Variants in TMC3 observed in about 807,000 individuals in gnomAD.
The protein encoded by TMC3 is transmembrane channel-like protein 3.
A neutral mutation model predicts 110.6 loss-of-function variants in TMC3; 98 were observed. The observed-to-expected ratio is 0.89, with a 90% CI of 0.75 to 1.05. TMC3 has a LOEUF of 1.05. Among genes scored for constraint, TMC3 ranks in the 50% least tolerant of loss-of-function variants. The pLI is 0.00. For synonymous variants in TMC3, 489 were observed against 513.1 expected, an observed-to-expected ratio of 0.95 and a Z score of 0.63; for missense variants, 1,319 against 1,373.2, an observed-to-expected ratio of 0.96 and a Z score of 0.62.
At chr15:81,337,694 G>A in intron 19 of TMC3, 152 bp downstream of exon 19, 1 of 685,190 alleles carries the variant, frequency 1.5e-6, no homozygotes, top group South Asian at 1.7e-5. Flanking sequence ...ATAACTCTTG[G>A]ACATCTGGGG....
At chr15:81,372,100 C>T (rs565855617) in intron 2 of TMC3, among the ~76,000 whole-genome samples, 5 of 150,906 alleles carry the variant, frequency 3.3e-5, no homozygotes, top group Admixed American at 6.6e-5. Flanking sequence ...ATCTGGCTTC[C>T]TATAAAGTCT....
chr15:81,368,792 A>G (rs1894372405), intron 2 of TMC3, among the ~76,000 whole-genome samples: 1 of 152,200 alleles, frequency 6.6e-6, no homozygotes, highest in Non-Finnish European at 1.5e-5. Context: ...GCAGCAAAAA[A>G]GTCATGTCTA....
Position 81,374,080 on chromosome 15 carries a change from G to A in TMC3, c.-3C>T, listed in dbSNP as rs774508229. On this transcript the variant is annotated 5_prime_UTR_variant, in exon 1 of 22. Transcript: ENST00000359440. ...TGGGATGCCTTCGAGGTTTTCATGG[G>A]AGCTAACCCACTGCTAACAATCAGA... 128 of 1,613,338 alleles carry A rather than the reference G, an allele frequency of 7.9e-5. 2 individuals carry two copies. In the South Asian group the frequency reaches 1.3e-3, roughly 16 times the overall value.
chr15:81,361,311 T>C (rs1894182960), intron 4 of TMC3, among the ~76,000 whole-genome samples: 1 of 152,192 alleles, frequency 6.6e-6, no homozygotes, highest in Admixed American at 6.5e-5. Context: ...TTTAAAACAA[T>C]TGAATCAATT....
At chr15:81,355,564 G>A (rs1354498476) in intron 9 of TMC3, among the ~76,000 whole-genome samples, 161 bp downstream of exon 9, 3 of 152,046 alleles carry the variant, frequency 2.0e-5, no homozygotes, top group Admixed American at 2.0e-4. Context: ...ATATTGCTAA[G>A]GAAAAAATCA....
chr15:81,352,902 C>T (rs1237762077), intron 9 of TMC3, among the ~76,000 whole-genome samples: 1 of 152,224 alleles, frequency 6.6e-6, no homozygotes, highest in Admixed American at 6.5e-5. Flanking sequence ...TCACTGCGAC[C>T]TCTGCCTCCT....
In TMC3 at chr15:81,337,925, C is replaced by T. The variant is rs1281779375; in HGVS notation, c.2082-1G>A. On this transcript the variant is annotated splice_acceptor_variant, in intron 18 of 21. Transcript: ENST00000359440. LOFTEE classifies it high-confidence loss of function. ...GCTCTGGAGATAATAGATGAGCATG[C>T]TAGGACAGAACAACACAGGACAATG... 1.7e-5 allele frequency: 27 copies of T among 1,613,020 alleles called. No individual in the cohort carries two copies. Among genetic ancestry groups the T allele is most frequent in the Non-Finnish European group, 2.2e-5 (26 of 1,179,120 alleles).
chr15:81,361,344 A>G (rs750945882), intron 4 of TMC3, among the ~76,000 whole-genome samples: 85 of 152,228 alleles, frequency 5.6e-4, no homozygotes, highest in Admixed American at 6.5e-4. Flanking sequence ...TTTATGCAGT[A>G]GACTGACTTC....
chr15:81,338,647 G>C lies in TMC3; in HGVS notation c.2081+8C>G. On this transcript the variant is annotated splice_region_variant and intron_variant, in intron 18 of 21. Transcript: ENST00000359440. ...AGTCCCTCCAAAGCTGGCAGGTGTG[G>C]TACTCACAAAAGCAGGAGTACTGCG... The C allele has an allele frequency of 5.6e-6, 9 of 1,613,788 alleles. No individual in the cohort carries two copies. Among genetic ancestry groups the C allele is most frequent in the Non-Finnish European group, 7.6e-6 (9 of 1,179,796 alleles).
In TMC3 at chr15:81,372,642, G is replaced by C; in HGVS notation, c.185C>G (p.Ala62Gly). Residue 62 changes from alanine (A) to glycine (G), a missense_variant, in exon 2 of 22, where the codon GCA (alanine) becomes GGA (glycine). Transcript: ENST00000359440. ...QNIQFQKDLM[A>G]NIRCRPWTMG... ...AGTCCAGGGTCTGCAGCGAATGTTT[G>C]CCATGAGATCTTTCTGGAACTGTAT... The C allele has an allele frequency of 6.2e-7, 1 of 1,613,872 alleles. No homozygotes were observed. Among genetic ancestry groups the C allele is most frequent in the South Asian group, 1.1e-5 (1 of 91,066 alleles).
intron 9 of TMC3, among the ~76,000 whole-genome samples, chr15:81,355,448 A>T (rs1202492122): frequency 6.6e-6 from 1 of 152,228 alleles, no homozygotes; most frequent in Admixed American, 6.5e-5. Flanking sequence ...GGTGCTCAAA[A>T]TACCTCTTTT....
At chr15:81,372,033 T>C (rs1894444783) in intron 2 of TMC3, among the ~76,000 whole-genome samples, 1 of 152,256 alleles carries the variant, frequency 6.6e-6, no homozygotes, top group South Asian at 2.1e-4. Context: ...TATTTTTAAA[T>C]CTTTAGCACT....
At chr15:81,372,139 A>G (rs1894447200) in intron 2 of TMC3, among the ~76,000 whole-genome samples, 1 of 151,562 alleles carries the variant, frequency 6.6e-6, no homozygotes, top group Non-Finnish European at 1.5e-5. Flanking sequence ...TTTTACCCAG[A>G]GGGTGGTAAT....
At chr15:81,344,072 C>A in intron 13 of TMC3, 27 bp from the exon 14 acceptor site, 1 of 1,593,838 alleles carries the variant, frequency 6.3e-7, no homozygotes. Flanking sequence ...CCCTGGATGC[C>A]ACCATGCCCC....
chr15:81,354,169 A>G (rs1233847730), intron 9 of TMC3, among the ~76,000 whole-genome samples: 1 of 152,210 alleles, frequency 6.6e-6, no homozygotes, highest in African/African-American at 2.4e-5. Flanking sequence ...TCTTCTGCCA[A>G]CTTTGGAGCT....
intron 3 of TMC3, among the ~76,000 whole-genome samples, chr15:81,363,623 A>C (rs1894240599): frequency 6.6e-6 from 1 of 152,234 alleles, no homozygotes; most frequent in African/African-American, 2.4e-5. Flanking sequence ...TCATGATTTG[A>C]GAGCCAACTC....
intron 16 of TMC3, 27 bp downstream of exon 16, chr15:81,341,363 G>A (rs1377763455): frequency 1.3e-6 from 2 of 1,594,508 alleles, no homozygotes; most frequent in African/African-American, 1.3e-5. Context: ...ATAGTTATCT[G>A]CATGATCAGA....
rs189799605 is a variant in TMC3 at position 81,344,307 on chromosome 15, A to G, written c.1519-262T>C. 1.8e-4 allele frequency among the ~76,000 whole-genome samples: 28 copies of G among 152,370 alleles called. No individual in the cohort carries two copies. In the East Asian group the frequency reaches 5.4e-3, roughly 29 times the overall value. On this transcript the variant is annotated intron_variant, in intron 13 of 21. Transcript: ENST00000359440. ...CAGCATCACATGAAACTAGGAAAGA[A>G]TCTAAGGTCTGTGGTTCTGAGCTGC...
At chr15:81,369,387 T>G (rs1894386207) in intron 2 of TMC3, among the ~76,000 whole-genome samples, 1 of 152,108 alleles carries the variant, frequency 6.6e-6, no homozygotes, top group African/African-American at 2.4e-5. Flanking sequence ...ATTGACTTCA[T>G]TCTGGCCAGA....
Sources: gnomAD v4.1 joint callset for allele counts (sites outside exome capture counted in the v4.1 genomes callset) on GRCh38, gnomAD v4.1.1 for gene constraint, MANE v1.5 for transcripts, NCBI Gene and HGNC (gene_info 2026-07-23, HGNC 2026-07-21) for gene names.